The following FHIT variants were observed in gnomAD, a reference collection of about 807,000 sequenced individuals.
FHIT encodes the protein fragile histidine triad diadenosine triphosphatase.
FHIT carries 19 observed loss-of-function variants against 17.9 expected under a neutral mutation model. The observed-to-expected ratio is 1.06, with a 90% confidence interval of 0.74 to 1.56. The LOEUF (loss-of-function observed/expected upper bound fraction) is 1.56, where lower values mean the gene tolerates loss of function less well. Ranked by LOEUF, FHIT falls within the 40% of genes most tolerant of loss-of-function variation. The probability of loss-of-function intolerance (pLI) is 0.00; values close to 1 mark genes in which losing one functional copy is unlikely to be tolerated. For synonymous variants in FHIT, 81 were observed against 69.7 expected (o/e 1.16, Z -0.81); for missense variants, 248 against 189.2 (o/e 1.31, Z -1.82).
At chr3:60,663,697 G>T (rs1290769955) in intron 4 of FHIT, among the ~76,000 whole-genome samples, 3 of 152,060 alleles carry the variant, frequency 2.0e-5, no homozygotes, top group South Asian at 2.1e-4. Context: ...GGGATTACAG[G>T]CATGAGCCAC....
intron 8 of FHIT, among the ~76,000 whole-genome samples, chr3:59,919,151 G>GGGAC (rs1705283003): frequency 6.6e-6 from 1 of 152,134 alleles, no homozygotes; most frequent in African/African-American, 2.4e-5. Context: ...ATGATCAAAT[G>GGGAC]GGTCAAATGT....
At chr3:60,599,334 A>G (rs757221840) in intron 4 of FHIT, among the ~76,000 whole-genome samples, 4 of 152,204 alleles carry the variant, frequency 2.6e-5, no homozygotes, top group Non-Finnish European at 4.4e-5. Context: ...TCAATTGGCC[A>G]GTGACAAACA....
intron 5 of FHIT, among the ~76,000 whole-genome samples, chr3:60,090,443 C>T (rs1703681959): frequency 6.6e-6 from 1 of 152,162 alleles, no homozygotes; most frequent in Admixed American, 6.5e-5. Context: ...CTCCCTTCTT[C>T]AAAAGCAAAA....
chr3:60,932,147 G>C (rs1210356377), intron 3 of FHIT, among the ~76,000 whole-genome samples: 1 of 152,188 alleles, frequency 6.6e-6, no homozygotes, highest in Non-Finnish European at 1.5e-5. Context: ...TGAAGAACAA[G>C]TAAATAAAAA....
At chr3:60,371,841 G>GT (rs1272253534) in intron 5 of FHIT, among the ~76,000 whole-genome samples, 186 of 59,242 alleles carry the variant, frequency 3.1e-3, no homozygotes, top group Middle Eastern at 0.015. Context: ...ATTTTTGTGG[G>GT]GTTTTTTTTT....
intron 5 of FHIT, among the ~76,000 whole-genome samples, chr3:60,301,545 G>T (rs1708459062): frequency 6.6e-6 from 1 of 152,094 alleles, no homozygotes; most frequent in African/African-American, 2.4e-5. Context: ...CCATTTCATG[G>T]CTAGTTCTAG....
intron 8 of FHIT, among the ~76,000 whole-genome samples, chr3:59,787,274 A>C (rs1470029254): frequency 6.6e-6 from 1 of 152,174 alleles, no homozygotes; most frequent in African/African-American, 2.4e-5. Context: ...AATTATTTCC[A>C]TGACAAATAA....
rs372716455 is a variant in FHIT, at chr3:60,280,128, A to G, written c.103+256732T>C. ...CAACTGGCCAGAGAAGAAAAATCAT[A>G]TAATAGCAACAGATACAGAAAAGCA... On this transcript the variant is annotated intron_variant, in intron 5 of 9. Transcript: ENST00000492590. 1.6e-4 allele frequency among the ~76,000 whole-genome samples: 25 copies of G among 152,222 alleles called. No individual in the cohort carries two copies. The South Asian group carries it at 5.0e-3, about 30-fold the overall frequency.
chr3:61,169,577 A>T (rs2037937537), intron 2 of FHIT, among the ~76,000 whole-genome samples: 1 of 152,186 alleles, frequency 6.6e-6, no homozygotes, highest in South Asian at 2.1e-4. Flanking sequence ...TTTAGTTGGA[A>T]GTAATATTAA....
chr3:59,937,608 A>T (rs1706306244), intron 7 of FHIT, among the ~76,000 whole-genome samples: 1 of 152,194 alleles, frequency 6.6e-6, no homozygotes, highest in South Asian at 2.1e-4. Flanking sequence ...TTCCAAAGTG[A>T]AGCTCTCCTT....
intron 5 of FHIT, among the ~76,000 whole-genome samples, chr3:60,130,756 G>GTC (rs879697198): frequency 0.068 from 1,586 of 23,320 alleles, 57 homozygotes; most frequent in Non-Finnish European, 0.088. Flanking sequence ...GTGTGTGTGT[G>GTC]TGTGTGTGTT....
At chr3:60,363,903 T>C (rs1034260279) in intron 5 of FHIT, among the ~76,000 whole-genome samples, 4 of 152,158 alleles carry the variant, frequency 2.6e-5, no homozygotes, top group Non-Finnish European at 5.9e-5. Context: ...ACGGTCACCA[T>C]CCTCTAAAGG....
At chr3:60,975,726 T>C (rs193064457) in intron 3 of FHIT, among the ~76,000 whole-genome samples, 238 of 152,312 alleles carry the variant, frequency 1.6e-3, no homozygotes, top group Middle Eastern at 6.8e-3. Flanking sequence ...TGACTGTGTA[T>C]GCATATACAT....
rs966677852 is a variant in FHIT at position 60,747,184 on chromosome 3, T to C, written c.-18+74735A>G. The stretch of plus-strand genomic sequence containing the variant: ...GTGTATGTGAGTATTCTCTCTGCAC[T>C]GAATGCCCTTCCTCCTTCATCTAGC... On this transcript the variant is annotated intron_variant, in intron 4 of 9. Coordinates refer to ENST00000492590, the MANE Select transcript of FHIT (RefSeq NM_002012.4). Among the ~76,000 whole-genome samples the C allele has an allele frequency of 5.3e-5, 8 of 152,132 alleles. No homozygotes were observed. In the South Asian group the frequency reaches 1.7e-3, roughly 32 times the overall value.
chr3:61,044,021 T>C (rs935330242), intron 2 of FHIT, among the ~76,000 whole-genome samples: 3 of 152,064 alleles, frequency 2.0e-5, no homozygotes, highest in African/African-American at 7.2e-5. Flanking sequence ...ACCACAAAGA[T>C]GGGGAGAAAC....
intron 5 of FHIT, among the ~76,000 whole-genome samples, chr3:60,418,557 CTTTT>C (rs11452248): frequency 1.1e-5 from 1 of 95,190 alleles, no homozygotes; most frequent in Non-Finnish European, 2.0e-5. Flanking sequence ...TCCCTCCCAA[CTTTT>C]TTTTTTTTTT....
intron 5 of FHIT, among the ~76,000 whole-genome samples, chr3:60,527,574 G>A (rs941147163): frequency 2.0e-5 from 3 of 152,166 alleles, no homozygotes; most frequent in Non-Finnish European, 2.9e-5. Flanking sequence ...GCCCCATATA[G>A]ATGGCAGTGG....
At chr3:59,757,160 A>G (rs527500857) in intron 8 of FHIT, among the ~76,000 whole-genome samples, 140 of 152,268 alleles carry the variant, frequency 9.2e-4, no homozygotes, top group African/African-American at 3.2e-3. Context: ...CAATAGTCAA[A>G]ACGGTTTTCA....
chr3:61,136,685 A>C (rs977564172), intron 2 of FHIT, among the ~76,000 whole-genome samples: 1 of 152,236 alleles, frequency 6.6e-6, no homozygotes, highest in African/African-American at 2.4e-5. Context: ...CCAGATCCTG[A>C]GTTCCTCAAA....
Sources: allele counts gnomAD v4.1 joint callset (sites outside exome capture counted in the v4.1 genomes callset), GRCh38; gene constraint gnomAD v4.1.1; transcripts MANE v1.5; gene names NCBI Gene and HGNC (gene_info 2026-07-23, HGNC 2026-07-21).